Variants in RAPGEF5 observed in about 807,000 individuals in gnomAD.
RAPGEF5 encodes Rap guanine nucleotide exchange factor 5, also known as M-Ras-regulated GEF.
A neutral mutation model predicts 125.2 loss-of-function variants in RAPGEF5; 65 were observed. The ratio of observed to expected loss-of-function variants is 0.52; its 90% CI spans 0.43 to 0.64. RAPGEF5 has a LOEUF of 0.64. Among genes scored for constraint, RAPGEF5 ranks in the 30% least tolerant of loss-of-function variants. The probability of loss-of-function intolerance (pLI) is 0.00; values close to 1 mark genes in which losing one functional copy is unlikely to be tolerated. For missense variants in RAPGEF5, 958 were observed against 1,048.1 expected (o/e 0.91, Z 1.19); for synonymous variants, 391 against 385.9 (o/e 1.01, Z -0.16).
At chr7:22,318,816 T>C (rs1783655996) in intron 1 of RAPGEF5, among the ~76,000 whole-genome samples, 1 of 152,168 alleles carries the variant, frequency 6.6e-6, no homozygotes, top group African/African-American at 2.4e-5. Flanking sequence ...GAGCTCTGTT[T>C]TTGCTACTAT....
At chr7:22,169,519 T>G (rs1033068728) in intron 11 of RAPGEF5, among the ~76,000 whole-genome samples, 29 of 152,078 alleles carry the variant, frequency 1.9e-4, no homozygotes, top group African/African-American at 6.8e-4. Context: ...GTGTTAAATG[T>G]GGTTGATGGA....
At chr7:22,311,907 C>G (rs1199648619) in intron 3 of RAPGEF5, among the ~76,000 whole-genome samples, 2 of 152,236 alleles carry the variant, frequency 1.3e-5, no homozygotes, top group East Asian at 3.8e-4. Context: ...ACTTTTATCT[C>G]ATGGATTAAA....
chr7:22,354,721 G>A (rs1018049217), intron 1 of RAPGEF5, among the ~76,000 whole-genome samples: 6 of 152,106 alleles, frequency 3.9e-5, no homozygotes, highest in Admixed American at 6.5e-5. Flanking sequence ...CTCTTCCTCT[G>A]CGTTTACCAA....
intron 24 of RAPGEF5, among the ~76,000 whole-genome samples, chr7:22,127,382 C>A (rs1462860428): frequency 1.3e-5 from 2 of 152,158 alleles, no homozygotes; most frequent in African/African-American, 2.4e-5. Flanking sequence ...GACAAGATCC[C>A]ATCATCTTAT....
rs761417381 is a variant in RAPGEF5 at position 22,154,584 on chromosome 7, T to C, written c.1657A>G (p.Thr553Ala). The C allele has an allele frequency of 6.2e-7, 1 of 1,613,488 alleles. No individual in the cohort carries two copies. The highest frequency in any genetic ancestry group is 1.3e-5 in the African/African-American group (1 of 75,008). ...TTCACACTGACATAGGAGTGCTCTG[T>C]TATATACACGTGGCAGAAAACTGCA... ...TEEIFCHVYI[T>A]EHSYVSVKAK... Residue 553 changes from threonine (T) to alanine (A), a missense_variant, in exon 17 of 26, where the codon ACA (threonine) becomes GCA (alanine). Thr to Ala is a moderately conservative substitution (Grantham distance 58, BLOSUM62 0). Transcript: ENST00000665637.
At chr7:22,166,134 C>T (rs1784158730) in intron 12 of RAPGEF5, among the ~76,000 whole-genome samples, 1 of 148,714 alleles carries the variant, frequency 6.7e-6, no homozygotes, top group South Asian at 2.1e-4. Flanking sequence ...CACTATGTTG[C>T]CCAGCTGCTC....
At position 22,356,287 on chromosome 7, in the gene RAPGEF5, G is replaced by C. The variant is rs1784418132; in HGVS notation, c.231+543C>G. On this transcript the variant is annotated intron_variant, in intron 1 of 25. Coordinates refer to ENST00000665637, the MANE Select transcript of RAPGEF5 (RefSeq NM_012294.5). ...GGGTGTCCAGGAGTATTAAGTGCTG[G>C]AGACACCGGAACCCAGGAACTGGAA... 1.7e-5 allele frequency: 17 copies of C among 982,372 alleles called. No homozygotes were observed. In the South Asian group the frequency reaches 6.1e-4, roughly 35 times the overall value. 60.9% of individuals were successfully genotyped at this position (982,372 alleles called of 1,614,324 possible).
At chr7:22,296,667 G>A (rs1357509361) in intron 5 of RAPGEF5, among the ~76,000 whole-genome samples, 1 of 152,212 alleles carries the variant, frequency 6.6e-6, no homozygotes, top group Non-Finnish European at 1.5e-5. Context: ...AAAGCTAGCA[G>A]GTAAGTTCTC....
At chr7:22,176,284 T>G (rs1296848861) in intron 11 of RAPGEF5, among the ~76,000 whole-genome samples, 1 of 152,090 alleles carries the variant, frequency 6.6e-6, no homozygotes, top group Non-Finnish European at 1.5e-5. Flanking sequence ...GCAGGAATTG[T>G]AGGAGCTACA....
intron 24 of RAPGEF5, among the ~76,000 whole-genome samples, chr7:22,127,096 TGGCGTGATCTC>T (rs1782772420): frequency 7.0e-6 from 1 of 143,362 alleles, no homozygotes; most frequent in African/African-American, 2.6e-5. Flanking sequence ...TGAAGTGCAA[TGGCGTGATCTC>T]GGCTCACTGC....
At chr7:22,314,567 T>G (rs1783548375) in intron 3 of RAPGEF5, 2 of 914,984 alleles carry the variant, frequency 2.2e-6, no homozygotes, top group Non-Finnish European at 2.6e-6. Flanking sequence ...TTCTGAGAAC[T>G]TCCTACTTTT....
At chr7:22,210,729 G>A (rs1163026723) in intron 9 of RAPGEF5, among the ~76,000 whole-genome samples, 1 of 152,134 alleles carries the variant, frequency 6.6e-6, no homozygotes, top group East Asian at 1.9e-4. Flanking sequence ...TAAAATGGTT[G>A]AGCCTTGTTC....
intron 6 of RAPGEF5, among the ~76,000 whole-genome samples, chr7:22,282,125 A>T (rs1196822600): frequency 6.6e-6 from 1 of 152,054 alleles, no homozygotes; most frequent in Non-Finnish European, 1.5e-5. Flanking sequence ...TCTCCAGCGG[A>T]CCTATTTTAA....
chr7:22,305,331 C>G (rs1469066075), intron 5 of RAPGEF5, among the ~76,000 whole-genome samples: 1 of 152,148 alleles, frequency 6.6e-6, no homozygotes, highest in Non-Finnish European at 1.5e-5. Context: ...CATCAATATT[C>G]TGAAGCTTAT....
chr7:22,222,104 C>T (rs544311133), intron 8 of RAPGEF5, among the ~76,000 whole-genome samples: 11 of 152,086 alleles, frequency 7.2e-5, no homozygotes, highest in South Asian at 2.1e-4. Context: ...AAAAATTAGC[C>T]GGGCGTGGTG....
At chr7:22,148,855 A>G (rs1196522497) in intron 18 of RAPGEF5, among the ~76,000 whole-genome samples, 1 of 152,180 alleles carries the variant, frequency 6.6e-6, no homozygotes, top group African/African-American at 2.4e-5. Flanking sequence ...AACAAGCCCC[A>G]CAGTAGCTAC....
intron 17 of RAPGEF5, among the ~76,000 whole-genome samples, chr7:22,152,105 A>T (rs1253776614): frequency 4.6e-5 from 7 of 152,238 alleles, no homozygotes; most frequent in African/African-American, 1.7e-4. Context: ...GCAATATTCC[A>T]TATGCCTTTT....
At chr7:22,305,613 T>G (rs919022017) in intron 5 of RAPGEF5, among the ~76,000 whole-genome samples, 7 of 152,222 alleles carry the variant, frequency 4.6e-5, no homozygotes, top group African/African-American at 1.7e-4. Flanking sequence ...ATTATTGGTA[T>G]AGTTACCCTG....
intron 12 of RAPGEF5, among the ~76,000 whole-genome samples, chr7:22,163,474 A>T (rs1461011804): frequency 1.3e-5 from 2 of 152,216 alleles, no homozygotes; most frequent in Non-Finnish European, 2.9e-5. Context: ...GTTTATTTAT[A>T]TGATTAATGT....
Sources: gnomAD v4.1 joint callset for allele counts (sites outside exome capture counted in the v4.1 genomes callset) on GRCh38, gnomAD v4.1.1 for gene constraint, MANE v1.5 for transcripts, NCBI Gene and HGNC (gene_info 2026-07-23, HGNC 2026-07-21) for gene names.